Variants in FANCC observed in about 807,000 individuals in gnomAD.
The protein encoded by FANCC is Fanconi anemia group C protein.
Under a neutral mutation model 71.3 loss-of-function variants are expected in FANCC, and 55 were observed. The observed-to-expected ratio is 0.77, with a 90% confidence interval of 0.62 to 0.97. FANCC has a LOEUF of 0.97. FANCC is among the 50% of genes least tolerant of loss of function. The probability of loss-of-function intolerance (pLI) is 0.00; values close to 1 mark genes in which losing one functional copy is unlikely to be tolerated. For missense variants in FANCC, 678 were observed against 670.9 expected, an observed-to-expected ratio of 1.01 and a Z score of -0.12; for synonymous variants, 275 against 244.9, an observed-to-expected ratio of 1.12 and a Z score of -1.15.
chr9:95,263,616 A>G (rs1832203827), intron 1 of FANCC, among the ~76,000 whole-genome samples: 1 of 151,964 alleles, frequency 6.6e-6, no homozygotes, highest in South Asian at 2.1e-4. Flanking sequence ...ATACAAACAC[A>G]CATTCCATTA....
intron 12 of FANCC, among the ~76,000 whole-genome samples, chr9:95,112,170 G>C (rs2071998607): frequency 6.6e-6 from 1 of 152,238 alleles, no homozygotes; most frequent in African/African-American, 2.4e-5. Context: ...CGCCACACTG[G>C]CAAATGGGAG....
At chr9:95,310,384 AGG>A (rs1323674802) in intron 1 of FANCC, among the ~76,000 whole-genome samples, 3 of 150,692 alleles carry the variant, frequency 2.0e-5, no homozygotes, top group Non-Finnish European at 4.4e-5. Flanking sequence ...AAAAAAAAGG[AGG>A]GGGGGAATTC....
At chr9:95,220,492 G>T (rs530420942) in intron 4 of FANCC, among the ~76,000 whole-genome samples, 1 of 152,294 alleles carries the variant, frequency 6.6e-6, no homozygotes, top group Non-Finnish European at 1.5e-5. Context: ...TGATAGACTG[G>T]ATTAAGAAAA....
intron 6 of FANCC, among the ~76,000 whole-genome samples, chr9:95,167,144 C>G (rs908224623): frequency 6.6e-6 from 1 of 152,146 alleles, no homozygotes; most frequent in South Asian, 2.1e-4. Flanking sequence ...TCATCCCACT[C>G]CTTTCTGGCC....
At chr9:95,138,511 G>C (rs762327794) in intron 7 of FANCC, among the ~76,000 whole-genome samples, 1 of 152,228 alleles carries the variant, frequency 6.6e-6, no homozygotes. Context: ...GAATAGGAGA[G>C]TTCGCCTCTC....
At chr9:95,247,657 G>T in intron 2 of FANCC, 141 bp from the exon 3 acceptor site, 1 of 657,738 alleles carries the variant, frequency 1.5e-6, no homozygotes, top group South Asian at 1.7e-5. Flanking sequence ...GATTAGAGAA[G>T]ATCTTTAGGT....
chr9:95,258,550 A>C (rs1831814734), intron 1 of FANCC, among the ~76,000 whole-genome samples: 1 of 152,226 alleles, frequency 6.6e-6, no homozygotes, highest in Non-Finnish European at 1.5e-5. Flanking sequence ...CAAAATAATA[A>C]GAGCTATTTA....
At chr9:95,244,820 G>C (rs1302492569) in intron 3 of FANCC, among the ~76,000 whole-genome samples, 1 of 151,690 alleles carries the variant, frequency 6.6e-6, no homozygotes, top group Non-Finnish European at 1.5e-5. Flanking sequence ...TGATCCAATA[G>C]GGACAGAACA....
intron 3 of FANCC, among the ~76,000 whole-genome samples, chr9:95,246,658 G>A (rs968534032): frequency 1.3e-5 from 2 of 152,184 alleles, no homozygotes; most frequent in Non-Finnish European, 2.9e-5. Context: ...AGTGAAGTAA[G>A]TGTATTAAAG....
At chr9:95,149,561 C>T (rs1829996623) in intron 7 of FANCC, among the ~76,000 whole-genome samples, 1 of 151,758 alleles carries the variant, frequency 6.6e-6, no homozygotes, top group Non-Finnish European at 1.5e-5. Flanking sequence ...TCACTGCAAT[C>T]TCCGCCTCCC....
intron 11 of FANCC, among the ~76,000 whole-genome samples, chr9:95,116,120 ATGCCC>A (rs1564654287): frequency 1.3e-5 from 2 of 152,252 alleles, no homozygotes; most frequent in Non-Finnish European, 2.9e-5. Context: ...GGTTGGGCCC[ATGCCC>A]ATGCACCACC....
At chr9:95,178,884 T>G (rs1826175303) in intron 4 of FANCC, among the ~76,000 whole-genome samples, 1 of 152,236 alleles carries the variant, frequency 6.6e-6, no homozygotes, top group South Asian at 2.1e-4. Context: ...GACTGAATTT[T>G]GGGTAACTCT....
chr9:95,201,440 A>C (rs1447899177), intron 4 of FANCC, among the ~76,000 whole-genome samples: 2 of 152,220 alleles, frequency 1.3e-5, no homozygotes, highest in Non-Finnish European at 2.9e-5. Flanking sequence ...GGAAATGTTA[A>C]GAAAAAAAGC....
At chr9:95,159,979 C>T (rs911262810) in intron 6 of FANCC, among the ~76,000 whole-genome samples, 12 of 152,258 alleles carry the variant, frequency 7.9e-5, no homozygotes, top group African/African-American at 2.4e-4. Context: ...CTGTAGGTTG[C>T]CTGTTCACTC....
chr9:95,206,918 G>A lies in FANCC; in HGVS notation c.345+33731C>T, dbSNP rs1282419494. 3.9e-5 allele frequency among the ~76,000 whole-genome samples: 6 copies of A among 152,252 alleles called. No individual in the cohort carries two copies. In the South Asian group the frequency reaches 1.0e-3, roughly 26 times the overall value. ...CCAGGAGCATTATCCCAGGTACAGT[G>A]TATAAGGGTCAGTCAGGATACCCAG... On this transcript the variant is annotated intron_variant, in intron 4 of 14. Transcript: ENST00000289081.
intron 13 of FANCC, chr9:95,110,970 G>C: frequency 7.1e-7 from 1 of 1,409,272 alleles, no homozygotes; most frequent in Non-Finnish European, 9.2e-7. Flanking sequence ...GATTACTTTA[G>C]TAAGAGATGT....
intron 7 of FANCC, among the ~76,000 whole-genome samples, chr9:95,141,378 CAATATT>C (rs1828668209): frequency 1.6e-5 from 2 of 122,152 alleles, no homozygotes; most frequent in South Asian, 5.8e-4. Flanking sequence ...CATGGATAAA[CAATATT>C]AATAGAAATG....
intron 7 of FANCC, among the ~76,000 whole-genome samples, chr9:95,136,933 A>AT (rs2135198274): frequency 6.6e-6 from 1 of 152,186 alleles, no homozygotes; most frequent in South Asian, 2.1e-4. Context: ...TGGCTCTGGG[A>AT]TACAGTAGAG....
intron 4 of FANCC, among the ~76,000 whole-genome samples, chr9:95,224,866 C>T (rs1469517268): frequency 6.6e-6 from 1 of 152,108 alleles, no homozygotes; most frequent in African/African-American, 2.4e-5. Context: ...TCCTGATTAG[C>T]CAGAATTTTT....
Sources: gnomAD v4.1 joint callset for allele counts (sites outside exome capture counted in the v4.1 genomes callset) on GRCh38, gnomAD v4.1.1 for gene constraint, MANE v1.5 for transcripts, NCBI Gene and HGNC (gene_info 2026-07-23, HGNC 2026-07-21) for gene names.